The following FRMPD4 variants were observed in gnomAD, a reference collection of about 807,000 sequenced individuals.
FRMPD4 encodes the protein FERM and PDZ domain-containing protein 4.
In FRMPD4, 22 loss-of-function variants were observed where a neutral mutation model predicts 94.1. That is an observed-to-expected ratio of 0.23 (90% confidence interval 0.17 to 0.33). The LOEUF is 0.33. FRMPD4 is among the 10% of genes least tolerant of loss of function. The probability of loss-of-function intolerance (pLI) is 1.00; values close to 1 mark genes in which losing one functional copy is unlikely to be tolerated. For missense variants in FRMPD4, 1,111 were observed against 1,339.9 expected, an observed-to-expected ratio of 0.83 and a Z score of 2.67; for synonymous variants, 631 against 548.6, an observed-to-expected ratio of 1.15 and a Z score of -2.10.
chrX:12,635,094 A>G (rs1338254893), intron 4 of FRMPD4, among the ~76,000 whole-genome samples: 3 of 111,438 alleles, frequency 2.7e-5, no homozygotes, highest in Non-Finnish European at 5.7e-5. Context: ...CTGGCCTCCC[A>G]AAGTTCTGGG....
rs761648415 is a variant in FRMPD4, at chrX:12,479,448, ATATATATG to A, written c.42-19216_42-19209del. Among the ~76,000 whole-genome samples, 263 of 101,290 alleles carry A rather than the reference ATATATATG, an allele frequency of 2.6e-3. 1 individual carries two copies. The highest frequency in any genetic ancestry group is 9.7e-3 in the Middle Eastern group (2 of 206). 88.0% of individuals were successfully genotyped at this position (101,290 alleles called of 115,157 possible). On this transcript the variant is annotated intron_variant, in intron 1 of 16. Transcript: ENST00000675598. Reference sequence around the variant, plus strand: ...CGTATATATATACACACATATATGTATATATATGTATATATGTATATATATGTATATAC... The same window carrying A: ...CGTATATATATACACACATATATGTATATATATGTATATATATGTATATAC...
At chrX:12,441,920 T>G (rs5978532) in intron 1 of FRMPD4, among the ~76,000 whole-genome samples, 19,474 of 111,053 alleles carry the variant, frequency 0.18, 2,540 homozygotes, top group African/African-American at 0.46. Flanking sequence ...ACATAGCTCT[T>G]TAGTGACTTT....
chrX:12,126,402 C>T (rs186641329), intron 3 of FRMPD4, among the ~76,000 whole-genome samples: 2 of 112,038 alleles, frequency 1.8e-5, no homozygotes, highest in African/African-American at 3.2e-5. Context: ...TCATGAATTT[C>T]CCTCCATCTT....
intron 1 of FRMPD4, among the ~76,000 whole-genome samples, chrX:12,418,809 C>G (rs1431143652): frequency 8.9e-6 from 1 of 111,979 alleles, no homozygotes; most frequent in Admixed American, 9.5e-5. Context: ...TCCCTTGTTG[C>G]TAGCTTATAA....
At chrX:12,192,692 A>T (rs993355455) in intron 1 of FRMPD4, among the ~76,000 whole-genome samples, 1 of 111,677 alleles carries the variant, frequency 9.0e-6, no homozygotes, top group African/African-American at 3.3e-5. Context: ...GTGATTCCCA[A>T]ATGGTAGTGT....
At chrX:12,085,654 T>C (rs2055102619) in intron 3 of FRMPD4, among the ~76,000 whole-genome samples, 1 of 112,043 alleles carries the variant, frequency 8.9e-6, no homozygotes, top group Non-Finnish European at 1.9e-5. Context: ...GGAGGCTTAT[T>C]TGAGCCCAGG....
intron 3 of FRMPD4, among the ~76,000 whole-genome samples, chrX:11,965,141 A>C (rs6530468): frequency 0.15 from 16,508 of 111,906 alleles, 1,276 homozygotes; most frequent in African/African-American, 0.28. Flanking sequence ...TCTCCTTTGC[A>C]ATGTAACGTA....
chrX:12,389,431 C>T (rs1478214131), intron 1 of FRMPD4, among the ~76,000 whole-genome samples: 1 of 107,317 alleles, frequency 9.3e-6, no homozygotes, highest in Non-Finnish European at 1.9e-5. Flanking sequence ...GCTGAGATCT[C>T]ACCACTGCAC....
At chrX:11,901,034 G>T (rs773755637) in intron 3 of FRMPD4, among the ~76,000 whole-genome samples, 3 of 111,155 alleles carry the variant, frequency 2.7e-5, no homozygotes, top group Non-Finnish European at 3.8e-5. Context: ...TCCCTCTAAG[G>T]TAATGTGGCC....
chrX:11,989,493 TG>T (rs1002221175), intron 3 of FRMPD4, among the ~76,000 whole-genome samples: 1 of 101,989 alleles, frequency 9.8e-6, no homozygotes, highest in Non-Finnish European at 2.0e-5. Flanking sequence ...AGAAGGGTAG[TG>T]GGGGGAAGTG....
chrX:12,423,164 AGT>A (rs1224733308), intron 1 of FRMPD4, among the ~76,000 whole-genome samples: 1 of 110,593 alleles, frequency 9.0e-6, no homozygotes, highest in Non-Finnish European at 1.9e-5. Flanking sequence ...CGGCTCCTGA[AGT>A]GTTGTTGCAG....
chrX:12,588,515 A>C, intron 2 of FRMPD4, among the ~76,000 whole-genome samples: 2 of 112,520 alleles, frequency 1.8e-5, no homozygotes. Flanking sequence ...TATGACAAGA[A>C]TCTTAAGAGT....
chrX:12,164,856 A>C (rs1381797852), intron 1 of FRMPD4, among the ~76,000 whole-genome samples: 8 of 112,356 alleles, frequency 7.1e-5, no homozygotes, highest in Non-Finnish European at 1.1e-4. Flanking sequence ...TCTTTTGAGA[A>C]GTGTCTGTTC....
intron 1 of FRMPD4, among the ~76,000 whole-genome samples, chrX:12,492,260 GGAA>G (rs1323976716): frequency 3.6e-5 from 4 of 111,356 alleles, no homozygotes; most frequent in Admixed American, 1.9e-4. Context: ...AGAAACTTTT[GGAA>G]GAAGACCAGT....
chrX:12,281,064 G>A (rs1429818214), intron 1 of FRMPD4, among the ~76,000 whole-genome samples: 1 of 112,191 alleles, frequency 8.9e-6, no homozygotes, highest in East Asian at 2.8e-4. Context: ...AAGCATTACT[G>A]TGGGAAAAGT....
chrX:12,310,413 T>A (rs1676570662), intron 1 of FRMPD4, among the ~76,000 whole-genome samples: 1 of 94,384 alleles, frequency 1.1e-5, no homozygotes, highest in Non-Finnish European at 2.0e-5. Context: ...CTTCAGGCCA[T>A]CTGGGCGTAT....
intron 1 of FRMPD4, among the ~76,000 whole-genome samples, chrX:11,857,066 A>G (rs1284641537): frequency 8.9e-6 from 1 of 112,189 alleles, no homozygotes; most frequent in East Asian, 2.8e-4. Flanking sequence ...GATGACACAA[A>G]CAAATGGAAA....
chrX:12,083,513 A>C (rs1370212219), intron 3 of FRMPD4, among the ~76,000 whole-genome samples: 1 of 112,849 alleles, frequency 8.9e-6, no homozygotes, highest in Non-Finnish European at 1.9e-5. Context: ...GAGCCCCCAA[A>C]CAGAGTCCCT....
At chrX:12,123,226 C>G (rs1411052417) in intron 3 of FRMPD4, among the ~76,000 whole-genome samples, 1 of 109,287 alleles carries the variant, frequency 9.2e-6, no homozygotes, top group Non-Finnish European at 1.9e-5. Context: ...AAACCCCTGC[C>G]TTCCCGGTTC....
Sources: allele counts gnomAD v4.1 joint callset (sites outside exome capture counted in the v4.1 genomes callset), GRCh38; gene constraint gnomAD v4.1.1; transcripts MANE v1.5; gene names NCBI Gene and HGNC (gene_info 2026-07-23, HGNC 2026-07-21).